RBFOX3: variants seen among roughly 807,000 people sequenced by gnomAD.
The protein encoded by RBFOX3 is RNA binding fox-1 homolog 3, also known as RNA binding protein fox-1 homolog 3.
RBFOX3 carries 17 observed loss-of-function variants against 48.7 expected under a neutral mutation model. The ratio of observed to expected loss-of-function variants is 0.35; its 90% CI spans 0.24 to 0.52. The LOEUF (loss-of-function observed/expected upper bound fraction) is 0.52, where lower values mean the gene tolerates loss of function less well. Ranked by LOEUF, RBFOX3 falls within the 20% of genes least tolerant of loss-of-function variation. The pLI, the probability that RBFOX3 is intolerant of heterozygous loss-of-function variation, is 0.94. For missense variants in RBFOX3, 382 were observed against 497.5 expected (o/e 0.77, Z 2.21); for synonymous variants, 212 against 209.5 (o/e 1.01, Z -0.10).
intron 3 of RBFOX3, among the ~76,000 whole-genome samples, chr17:79,303,587 G>C (rs1042680346): frequency 2.6e-5 from 4 of 151,912 alleles, no homozygotes; most frequent in African/African-American, 7.3e-5. Flanking sequence ...AAGTCACATG[G>C]GCTAGGGGCA....
chr17:79,562,155 G>A (rs1421392013), intron 1 of RBFOX3, among the ~76,000 whole-genome samples: 1 of 152,246 alleles, frequency 6.6e-6, no homozygotes, highest in Non-Finnish European at 1.5e-5. Flanking sequence ...ACAAAGCCTT[G>A]TAGAATGGTT....
At chr17:79,228,954 G>A (rs533721633) in intron 4 of RBFOX3, among the ~76,000 whole-genome samples, 7 of 152,274 alleles carry the variant, frequency 4.6e-5, no homozygotes, top group South Asian at 2.1e-4. Flanking sequence ...AGGGCCGGGC[G>A]CAGTGGCTCA....
chr17:79,545,178 G>A lies in RBFOX3; in HGVS notation c.-319-62580C>T, dbSNP rs116551607. ...ATTTTGTAAAAAGAAAGAAGTCCACGTAGATCCTTGTGCTTGCATGCACGC... is the reference window on the plus strand; with the variant it reads ...ATTTTGTAAAAAGAAAGAAGTCCACATAGATCCTTGTGCTTGCATGCACGC... On this transcript the variant is annotated intron_variant, in intron 1 of 14. Coordinates refer to ENST00000693108, the MANE Select transcript of RBFOX3 (RefSeq NM_001350451.2). Among the ~76,000 whole-genome samples the A allele has an allele frequency of 9.3e-3, 1,418 of 152,272 alleles. 13 individuals are homozygous for A. Among genetic ancestry groups the A allele is most frequent in the African/African-American group, 0.031 (1,304 of 41,566 alleles).
chr17:79,172,905 T>C (rs2049662878), intron 4 of RBFOX3, among the ~76,000 whole-genome samples: 1 of 152,216 alleles, frequency 6.6e-6, no homozygotes, highest in Admixed American at 6.5e-5. Flanking sequence ...CTGTTTCTTT[T>C]CACCTTTTAA....
chr17:79,284,421 C>CAAGA, intron 3 of RBFOX3, among the ~76,000 whole-genome samples: 1 of 152,032 alleles, frequency 6.6e-6, no homozygotes, highest in East Asian at 1.9e-4. Flanking sequence ...ATAACAGCAA[C>CAAGA]AAGAAAGTCA....
At chr17:79,564,453 G>A (rs2092378421) in intron 1 of RBFOX3, among the ~76,000 whole-genome samples, 1 of 152,154 alleles carries the variant, frequency 6.6e-6, no homozygotes, top group Non-Finnish European at 1.5e-5. Flanking sequence ...GTGGGGGCTG[G>A]TGTGCACATC....
chr17:79,277,243 C>T (rs2069070579), intron 3 of RBFOX3, among the ~76,000 whole-genome samples: 1 of 144,358 alleles, frequency 6.9e-6, no homozygotes, highest in South Asian at 2.3e-4. Flanking sequence ...CTGCCTGGCT[C>T]TGCCCAGATC....
At chr17:79,094,588 G>A in intron 13 of RBFOX3, 59 bp from the exon 14 acceptor site, 1 of 875,922 alleles carries the variant, frequency 1.1e-6, no homozygotes, top group South Asian at 2.1e-5. Flanking sequence ...GCAGGTGAGG[G>A]GCAGCAACGG....
intron 3 of RBFOX3, among the ~76,000 whole-genome samples, chr17:79,264,060 T>C (rs116715384): frequency 8.6e-4 from 130 of 150,888 alleles, no homozygotes; most frequent in African/African-American, 3.0e-3. Flanking sequence ...GACCCTTCCC[T>C]AGAGCTTTGG....
chr17:79,638,684 C>T, the RBFOX3 span, among the ~76,000 whole-genome samples: 6 of 152,208 alleles, frequency 3.9e-5, no homozygotes, highest in African/African-American at 1.4e-4. Context: ...ACGTTAATGC[C>T]CTTTCTTAGG....
chr17:79,453,987 C>T (rs571864085), intron 2 of RBFOX3, among the ~76,000 whole-genome samples: 3 of 152,216 alleles, frequency 2.0e-5, no homozygotes, highest in East Asian at 3.9e-4. Context: ...GTGCCATGTG[C>T]CCCCCATGGT....
intron 1 of RBFOX3, among the ~76,000 whole-genome samples, chr17:79,603,154 C>T (rs1267865086): frequency 1.3e-5 from 2 of 152,064 alleles, no homozygotes; most frequent in Non-Finnish European, 2.9e-5. Context: ...TCATACCCAG[C>T]GAATTTTTTG....
At chr17:79,179,100 G>A (rs1008567341) in intron 4 of RBFOX3, among the ~76,000 whole-genome samples, 3 of 152,214 alleles carry the variant, frequency 2.0e-5, no homozygotes, top group Non-Finnish European at 2.9e-5. Context: ...GAGACTAAAC[G>A]CAAGGTGCAA....
upstream of RBFOX3, among the ~76,000 whole-genome samples, chr17:79,614,203 G>A (rs1392882188): frequency 6.6e-6 from 1 of 152,240 alleles, no homozygotes; most frequent in Non-Finnish European, 1.5e-5. Context: ...TCCTCGGATA[G>A]CCCCTCTGGA....
intron 2 of RBFOX3, among the ~76,000 whole-genome samples, chr17:79,412,140 T>C (rs932181781): frequency 6.6e-6 from 1 of 152,148 alleles, no homozygotes; most frequent in African/African-American, 2.4e-5. Flanking sequence ...TATGCACGTG[T>C]TGTGCATGAT....
At chr17:79,116,690 C>G (rs967729853) in intron 4 of RBFOX3, among the ~76,000 whole-genome samples, 2 of 152,226 alleles carry the variant, frequency 1.3e-5, no homozygotes, top group Admixed American at 1.3e-4. Flanking sequence ...AGGGAGGGTT[C>G]CAGCCTCTGT....
At chr17:79,377,504 G>C (rs2059365601) in intron 2 of RBFOX3, among the ~76,000 whole-genome samples, 1 of 152,176 alleles carries the variant, frequency 6.6e-6, no homozygotes, top group African/African-American at 2.4e-5. Flanking sequence ...CTCCGAGTTG[G>C]TGACATCCTC....
chr17:79,272,938 G>A (rs951477011), intron 3 of RBFOX3, among the ~76,000 whole-genome samples: 1 of 152,028 alleles, frequency 6.6e-6, no homozygotes, highest in Non-Finnish European at 1.5e-5. Context: ...AGTACCAGGA[G>A]CCTCCGAGGG....
chr17:79,560,056 AGGTG>A (rs1206299731), intron 1 of RBFOX3, among the ~76,000 whole-genome samples: 2 of 8,920 alleles, frequency 2.2e-4, no homozygotes, highest in African/African-American at 5.5e-4. Context: ...GTGGATGAAT[AGGTG>A]GGTGGGTGGG....
Sources: allele counts gnomAD v4.1 joint callset (sites outside exome capture counted in the v4.1 genomes callset), GRCh38; gene constraint gnomAD v4.1.1; transcripts MANE v1.5; gene names NCBI Gene and HGNC (gene_info 2026-07-23, HGNC 2026-07-21).